IQGAP1: variants seen among roughly 807,000 people sequenced by gnomAD.
The protein encoded by IQGAP1 is IQ motif containing GTPase activating protein 1, also known as ras GTPase-activating-like protein IQGAP1.
A neutral mutation model predicts 215.6 loss-of-function variants in IQGAP1; 66 were observed. The observed-to-expected ratio is 0.31, with a 90% CI of 0.25 to 0.38. The LOEUF is 0.38. Among genes scored for constraint, IQGAP1 ranks in the 10% least tolerant of loss-of-function variants. IQGAP1 has a pLI of 1.00. For synonymous variants in IQGAP1, 772 were observed against 728.7 expected (o/e 1.06, Z -0.96); for missense variants, 1,712 against 1,997.1 (o/e 0.86, Z 2.72).
chr15:90,471,533 C>A lies in IQGAP1; in HGVS notation c.2179-1307C>A, dbSNP rs183246188. Among the ~76,000 whole-genome samples, 808 of 149,994 alleles carry A rather than the reference C, an allele frequency of 5.4e-3. 4 individuals are homozygous for A. The highest frequency in any genetic ancestry group is 0.019 in the African/African-American group (773 of 40,600). On this transcript the variant is annotated intron_variant, in intron 18 of 37. Coordinates refer to ENST00000268182, the MANE Select transcript of IQGAP1 (RefSeq NM_003870.4). ...TTTTTTTTTGAAGCGGAGTTTCGCT[C>A]TTGTTGCCCAGGCTGGAATGCAATG...
intron 4 of IQGAP1, among the ~76,000 whole-genome samples, chr15:90,430,450 G>GA (rs1965286528): frequency 6.6e-6 from 1 of 152,108 alleles, no homozygotes; most frequent in Non-Finnish European, 1.5e-5. Flanking sequence ...GATTATGATA[G>GA]AAAAAATTGA....
chr15:90,407,679 C>T (rs1964899417), intron 2 of IQGAP1, among the ~76,000 whole-genome samples: 1 of 152,144 alleles, frequency 6.6e-6, no homozygotes, highest in Admixed American at 6.6e-5. Flanking sequence ...TTATTAAAAA[C>T]TATTTTTATT....
At chr15:90,404,544 T>C (rs1014493072) in intron 2 of IQGAP1, among the ~76,000 whole-genome samples, 7 of 152,190 alleles carry the variant, frequency 4.6e-5, no homozygotes, top group African/African-American at 1.7e-4. Context: ...CTTTATATAT[T>C]GAGGAAATTG....
At chr15:90,452,117 C>T (rs1180910938) in intron 11 of IQGAP1, among the ~76,000 whole-genome samples, 4 of 152,152 alleles carry the variant, frequency 2.6e-5, no homozygotes, top group Admixed American at 6.5e-5. Flanking sequence ...CGTGAGCCAC[C>T]GTGCCTGGCC....
At chr15:90,438,321 G>A (rs770374861) in intron 5 of IQGAP1, among the ~76,000 whole-genome samples, 7 of 152,062 alleles carry the variant, frequency 4.6e-5, no homozygotes, top group African/African-American at 1.4e-4. Flanking sequence ...TAATAACACA[G>A]GCTTATGGAC....
intron 2 of IQGAP1, among the ~76,000 whole-genome samples, chr15:90,421,501 T>C (rs961615196): frequency 3.3e-5 from 5 of 150,950 alleles, no homozygotes; most frequent in African/African-American, 1.2e-4. Context: ...GCTAGAGATA[T>C]GGTTTAGCAG....
intron 20 of IQGAP1, 27 bp from the exon 21 acceptor site, chr15:90,473,869 C>T: frequency 6.2e-7 from 1 of 1,613,356 alleles, no homozygotes; most frequent in Non-Finnish European, 8.5e-7. Context: ...AAGGACTCTT[C>T]TAATTTCCAG....
At chr15:90,456,887 C>CAAAA (rs745807702) in intron 15 of IQGAP1, among the ~76,000 whole-genome samples, 55 of 138,558 alleles carry the variant, frequency 4.0e-4, no homozygotes, top group African/African-American at 9.2e-4. Context: ...GACTCCGTCT[C>CAAAA]AAAAAAATAT....
intron 2 of IQGAP1, among the ~76,000 whole-genome samples, chr15:90,394,896 T>C (rs1964690717): frequency 6.6e-6 from 1 of 152,134 alleles, no homozygotes; most frequent in Non-Finnish European, 1.5e-5. Context: ...AGCTCTTTCT[T>C]GGGAAAAGAG....
chr15:90,474,278 A>C (rs1488419712), intron 22 of IQGAP1, 145 bp downstream of exon 22: 1 of 808,404 alleles, frequency 1.2e-6, no homozygotes, highest in East Asian at 2.6e-5. Context: ...CTTTGCTAAC[A>C]TGTGGCTAGG....
In IQGAP1 at chr15:90,389,341, C is replaced by CTTTTT. The variant is rs563216137; in HGVS notation, c.55+959_55+963dup. Reference sequence around the variant, plus strand: ...AAGACAGTATGAGCACGGGAGGTGACTTTTTTTTTTTTTTTTTTGGAGACA... The same window carrying CTTTTT: ...AAGACAGTATGAGCACGGGAGGTGACTTTTTTTTTTTTTTTTTTTTTTTGGAGACA... On this transcript the variant is annotated intron_variant, in intron 1 of 37. Coordinates refer to ENST00000268182, the MANE Select transcript of IQGAP1 (RefSeq NM_003870.4). Among the ~76,000 whole-genome samples, 191 of 128,342 alleles carry CTTTTT rather than the reference C, an allele frequency of 1.5e-3. 2 individuals are homozygous for CTTTTT. Among genetic ancestry groups the CTTTTT allele is most frequent in the Middle Eastern group, 0.012 (3 of 242 alleles). The allele number at this position is 128,342 out of a possible 152,430, so 84.2% of individuals were successfully genotyped here.
intron 23 of IQGAP1, among the ~76,000 whole-genome samples, chr15:90,476,092 C>T (rs938010673): frequency 6.6e-6 from 1 of 151,946 alleles, no homozygotes; most frequent in Non-Finnish European, 1.5e-5. Context: ...CATGCCACCA[C>T]GTCTGGCAAA....
At position 90,477,723 on chromosome 15, in the gene IQGAP1, G is replaced by T; in HGVS notation, c.3163G>T (p.Val1055Phe). 1.2e-6 allele frequency: 2 copies of T among 1,613,980 alleles called. No individual in the cohort carries two copies. The highest frequency in any genetic ancestry group is 1.7e-6 in the Non-Finnish European group (2 of 1,179,950). The change falls in exon 26 of 38, where the codon GTT becomes TTT. Residue 1055 changes from valine to phenylalanine, a missense_variant. By Grantham distance (50) the Val-to-Phe change is conservative. Transcript: ENST00000268182. ...AGGAAATCCTACGGTTATTAAAATG[G>T]TTGTAAGTTTCAACCGTGGTGCCCG... ...VTGNPTVIKM[V>F]VSFNRGARGQ...
intron 9 of IQGAP1, among the ~76,000 whole-genome samples, chr15:90,446,196 T>A (rs909707703): frequency 1.3e-5 from 2 of 152,214 alleles, no homozygotes; most frequent in Non-Finnish European, 1.5e-5. Context: ...CTGAGGGATT[T>A]TTCTCTACCT....
chr15:90,481,904 C>T (rs1966064358), intron 26 of IQGAP1, 56 bp from the exon 27 acceptor site: 1 of 1,585,126 alleles, frequency 6.3e-7, no homozygotes. Context: ...ACACTTGCTT[C>T]AGGCTGTTCC....
At chr15:90,436,049 T>G (rs1045588816) in intron 5 of IQGAP1, among the ~76,000 whole-genome samples, 11 of 140,440 alleles carry the variant, frequency 7.8e-5, no homozygotes, top group Non-Finnish European at 1.5e-4. Context: ...CCTCTCTGTC[T>G]CCTCCCTGCT....
chr15:90,482,717 C>T, intron 28 of IQGAP1: 1 of 1,000,550 alleles, frequency 1.0e-6, no homozygotes, highest in African/African-American at 1.7e-5. Context: ...TGCTTTCCTA[C>T]AGTGAGGCCT....
intron 26 of IQGAP1, 125 bp downstream of exon 26, chr15:90,478,014 A>G (rs577514410): frequency 2.9e-6 from 2 of 689,700 alleles, no homozygotes; most frequent in East Asian, 2.7e-5. Flanking sequence ...TTTTTTAGAC[A>G]GAGTTTCACT....
At chr15:90,412,401 G>A (rs534080639) in intron 2 of IQGAP1, among the ~76,000 whole-genome samples, 1 of 152,150 alleles carries the variant, frequency 6.6e-6, no homozygotes, top group African/African-American at 2.4e-5. Context: ...TCCTACAACT[G>A]CTCAGAATGG....
Sources: gnomAD v4.1 joint callset for allele counts (sites outside exome capture counted in the v4.1 genomes callset) on GRCh38, gnomAD v4.1.1 for gene constraint, MANE v1.5 for transcripts, NCBI Gene and HGNC (gene_info 2026-07-23, HGNC 2026-07-21) for gene names.